Variants in GABRB1 observed in about 807,000 individuals in gnomAD.
GABRB1 encodes gamma-aminobutyric acid receptor subunit beta-1.
Under a neutral mutation model 51.6 loss-of-function variants are expected in GABRB1, and 17 were observed. The observed-to-expected ratio is 0.33, with a 90% CI of 0.23 to 0.49. The LOEUF (loss-of-function observed/expected upper bound fraction) is 0.49, where lower values mean the gene tolerates loss of function less well. GABRB1 is among the 20% of genes least tolerant of loss of function. GABRB1 has a pLI of 0.99. For missense variants in GABRB1, 410 were observed against 600.6 expected, an observed-to-expected ratio of 0.68 and a Z score of 3.32; for synonymous variants, 247 against 218.9, an observed-to-expected ratio of 1.13 and a Z score of -1.14.
At chr4:47,246,329 C>CATATAT (rs1233122369) in intron 4 of GABRB1, among the ~76,000 whole-genome samples, 3 of 29,038 alleles carry the variant, frequency 1.0e-4, no homozygotes, top group Non-Finnish European at 6.7e-5. Flanking sequence ...CACACACACA[C>CATATAT]ATATGTACAT....
At chr4:46,994,872 A>G (rs1723935767) in intron 1 of GABRB1, among the ~76,000 whole-genome samples, 1 of 152,182 alleles carries the variant, frequency 6.6e-6, no homozygotes, top group Non-Finnish European at 1.5e-5. Context: ...GGGTATGAAG[A>G]GGGAACGCAT....
chr4:47,249,287 G>T (rs562532737), intron 4 of GABRB1, among the ~76,000 whole-genome samples: 1 of 152,054 alleles, frequency 6.6e-6, no homozygotes, highest in Non-Finnish European at 1.5e-5. Flanking sequence ...TCAGAAGCAG[G>T]TTATTTAATT....
intron 3 of GABRB1, among the ~76,000 whole-genome samples, chr4:47,069,472 A>G (rs1285857563): frequency 1.3e-5 from 2 of 152,218 alleles, no homozygotes; most frequent in Admixed American, 1.3e-4. Context: ...TTTCTGTTAC[A>G]TCACTTAAAG....
chr4:47,138,491 T>C (rs1560553151), intron 3 of GABRB1, among the ~76,000 whole-genome samples: 1 of 151,998 alleles, frequency 6.6e-6, no homozygotes, highest in South Asian at 2.1e-4. Context: ...GTCTGACCAA[T>C]CTGAATTTTT....
intron 3 of GABRB1, among the ~76,000 whole-genome samples, chr4:47,099,209 A>T (rs570413967): frequency 6.6e-6 from 1 of 152,256 alleles, no homozygotes; most frequent in Non-Finnish European, 1.5e-5. Flanking sequence ...TAACAAGGGC[A>T]TACATACCCA....
intron 5 of GABRB1, among the ~76,000 whole-genome samples, chr4:47,387,894 A>G (rs767296726): frequency 9.8e-5 from 15 of 152,294 alleles, no homozygotes; most frequent in Non-Finnish European, 1.8e-4. Flanking sequence ...AAGGGCCACA[A>G]TCAGGGTCAG....
intron 4 of GABRB1, among the ~76,000 whole-genome samples, chr4:47,179,789 G>A (rs1718866942): frequency 1.3e-5 from 2 of 152,036 alleles, no homozygotes; most frequent in African/African-American, 4.8e-5. Context: ...ACAAATTTGG[G>A]AAGAGATGCT....
intron 4 of GABRB1, among the ~76,000 whole-genome samples, chr4:47,192,525 A>G (rs185942764): frequency 6.6e-6 from 1 of 152,312 alleles, no homozygotes; most frequent in Non-Finnish European, 1.5e-5. Context: ...ATTAATTGTT[A>G]TATCATTAAT....
chr4:47,134,043 C>T (rs893296262), intron 3 of GABRB1, among the ~76,000 whole-genome samples: 8 of 152,088 alleles, frequency 5.3e-5, no homozygotes, highest in Non-Finnish European at 2.9e-5. Context: ...AGTATCTTAC[C>T]ACTTCAAAAT....
At chr4:47,096,301 G>A (rs1714427952) in intron 3 of GABRB1, among the ~76,000 whole-genome samples, 1 of 152,202 alleles carries the variant, frequency 6.6e-6, no homozygotes, top group Non-Finnish European at 1.5e-5. Flanking sequence ...CAAGTAGGTA[G>A]TGAGGCAGGC....
chr4:47,013,664 G>A (rs1223732024), intron 1 of GABRB1, among the ~76,000 whole-genome samples: 1 of 152,134 alleles, frequency 6.6e-6, no homozygotes. Context: ...CATATCCATT[G>A]TTCATTCTTT....
chr4:47,073,138 C>T (rs561875415), intron 3 of GABRB1, among the ~76,000 whole-genome samples: 6 of 152,248 alleles, frequency 3.9e-5, no homozygotes, highest in South Asian at 4.2e-4. Context: ...GTCTAGGGTG[C>T]TTCTCTTCCT....
chr4:47,295,254 T>C (rs971214063), intron 4 of GABRB1, among the ~76,000 whole-genome samples: 3 of 152,148 alleles, frequency 2.0e-5, no homozygotes, highest in African/African-American at 7.2e-5. Context: ...CAAAGCTGGA[T>C]GGAGAATGAC....
chr4:47,130,638 A>G (rs1397912810), intron 3 of GABRB1, among the ~76,000 whole-genome samples: 2 of 152,088 alleles, frequency 1.3e-5, no homozygotes, highest in Non-Finnish European at 2.9e-5. Flanking sequence ...CCTCTCTTTC[A>G]TGACCCTTAT....
intron 4 of GABRB1, among the ~76,000 whole-genome samples, chr4:47,217,146 G>T (rs1720585284): frequency 6.6e-6 from 1 of 151,862 alleles, no homozygotes; most frequent in East Asian, 1.9e-4. Context: ...CTTGTTTATT[G>T]TATACTTAAA....
intron 3 of GABRB1, among the ~76,000 whole-genome samples, chr4:47,064,225 T>C (rs1186165721): frequency 2.0e-5 from 3 of 152,194 alleles, no homozygotes; most frequent in Admixed American, 6.5e-5. Context: ...CTTCCTGGAA[T>C]GTCCTGCTCT....
At chr4:47,301,016 G>T (rs966671754) in intron 4 of GABRB1, among the ~76,000 whole-genome samples, 2 of 152,070 alleles carry the variant, frequency 1.3e-5, no homozygotes, top group South Asian at 2.1e-4. Flanking sequence ...CAAATTCCCA[G>T]TCATTGCTGT....
At chr4:47,045,710 C>T (rs966991571) in intron 3 of GABRB1, among the ~76,000 whole-genome samples, 5 of 151,940 alleles carry the variant, frequency 3.3e-5, no homozygotes, top group African/African-American at 7.2e-5. Flanking sequence ...CCTAAGGGCT[C>T]ATTTATGAGG....
intron 5 of GABRB1, among the ~76,000 whole-genome samples, chr4:47,347,377 G>T (rs901709790): frequency 3.9e-5 from 6 of 152,116 alleles, no homozygotes; most frequent in Admixed American, 1.3e-4. Flanking sequence ...CATGACCAGG[G>T]TATCCTTATT....
Sources: allele counts gnomAD v4.1 joint callset (sites outside exome capture counted in the v4.1 genomes callset), GRCh38; gene constraint gnomAD v4.1.1; transcripts MANE v1.5; gene names NCBI Gene and HGNC (gene_info 2026-07-23, HGNC 2026-07-21).